The following URGCP variants were observed in gnomAD, a reference collection of about 807,000 sequenced individuals.
The protein encoded by URGCP is up-regulator of cell proliferation.
In URGCP, 13 loss-of-function variants were observed where a neutral mutation model predicts 24.6. The observed-to-expected ratio is 0.53, with a 90% confidence interval of 0.34 to 0.84. The LOEUF (loss-of-function observed/expected upper bound fraction) is 0.84, where lower values mean the gene tolerates loss of function less well. URGCP is among the 40% of genes least tolerant of loss of function. The pLI, the probability that URGCP is intolerant of heterozygous loss-of-function variation, is 0.01. For synonymous variants in URGCP, 444 were observed against 487.2 expected (o/e 0.91, Z 1.17); for missense variants, 899 against 1,194.3 (o/e 0.75, Z 3.64).
intron 3 of URGCP, among the ~76,000 whole-genome samples, chr7:43,886,361 T>C (rs1016986968): frequency 4.6e-5 from 7 of 152,232 alleles, no homozygotes; most frequent in Non-Finnish European, 8.8e-5. Flanking sequence ...ACTCTATTAA[T>C]ATCCAATAGA....
chr7:43,910,240 C>T (rs1585835167), upstream of URGCP, among the ~76,000 whole-genome samples: 1 of 152,078 alleles, frequency 6.6e-6, no homozygotes, highest in Non-Finnish European at 1.5e-5. Context: ...TTATGAGACA[C>T]GGTCTCACTC....
intron 3 of URGCP, among the ~76,000 whole-genome samples, chr7:43,884,597 C>T (rs1203957224): frequency 1.3e-5 from 2 of 152,124 alleles, no homozygotes; most frequent in Admixed American, 1.3e-4. Context: ...GGGAGGAAAA[C>T]GCAGGAGGAT....
chr7:43,906,840 C>G, upstream of URGCP: 1 of 255,544 alleles, frequency 3.9e-6, no homozygotes, highest in Non-Finnish European at 7.3e-6. Context: ...GGCCGGAACT[C>G]GCCGGGCGGT....
chr7:43,898,360 A>C (rs1289870387), intron 1 of URGCP, among the ~76,000 whole-genome samples: 1 of 152,256 alleles, frequency 6.6e-6, no homozygotes, highest in Non-Finnish European at 1.5e-5. Flanking sequence ...GGAAGGAGAG[A>C]GCTCCGATTT....
intron 1 of URGCP, chr7:43,906,300 G>T: frequency 5.8e-6 from 1 of 172,622 alleles, no homozygotes; most frequent in South Asian, 1.8e-4. Flanking sequence ...GGATCCCCTA[G>T]GCCCGCGTAC....
chr7:43,887,253 A>G (rs1002537186), intron 3 of URGCP, among the ~76,000 whole-genome samples, 162 bp downstream of exon 3: 1 of 152,248 alleles, frequency 6.6e-6, no homozygotes, highest in Non-Finnish European at 1.5e-5. Context: ...AAAGACCCTT[A>G]GATGGAATCT....
At position 43,879,489 on chromosome 7, in the gene URGCP, T is replaced by C. The variant is rs538361406; in HGVS notation, c.203-229A>G. On this transcript the variant is annotated intron_variant, in intron 5 of 5. Coordinates refer to ENST00000453200, the MANE Select transcript of URGCP (RefSeq NM_001077663.3). ...AGGTACCAACCTAACCACAGATATA[T>C]GTGACATTAAACAAAAGAAAGAACA... is the stretch of plus-strand genomic sequence containing the variant. Among the ~76,000 whole-genome samples, 9 of 152,296 alleles carry C rather than the reference T, an allele frequency of 5.9e-5. No homozygotes were observed. The South Asian group carries it at 1.9e-3, about 32-fold the overall frequency.
Position 43,880,836 on chromosome 7 carries a change from T to C in URGCP, c.202+823A>G, listed in dbSNP as rs1014889400. Among the ~76,000 whole-genome samples, 11 of 152,236 alleles carry C rather than the reference T, an allele frequency of 7.2e-5. No individual in the cohort carries two copies. The East Asian group carries it at 1.9e-3, about 27-fold the overall frequency. Reference sequence around the variant, plus strand: ...AGCAACGTGTATGATACTGCTTTGATGCTTAGATAAACCATGAAAGGAAAC... The same window carrying C: ...AGCAACGTGTATGATACTGCTTTGACGCTTAGATAAACCATGAAAGGAAAC... On this transcript the variant is annotated intron_variant, in intron 5 of 5. Coordinates refer to ENST00000453200, the MANE Select transcript of URGCP (RefSeq NM_001077663.3).
At chr7:43,891,157 C>G (rs1182800007) in intron 1 of URGCP, among the ~76,000 whole-genome samples, 1 of 152,090 alleles carries the variant, frequency 6.6e-6, no homozygotes, top group African/African-American at 2.4e-5. Flanking sequence ...CTGGACAGTC[C>G]ATCCATGCCT....
intron 1 of URGCP, among the ~76,000 whole-genome samples, chr7:43,921,287 C>T (rs2095922121): frequency 6.6e-6 from 1 of 151,248 alleles, no homozygotes; most frequent in Middle Eastern, 3.4e-3. Context: ...GATCACGCCA[C>T]TGCACTCCAG....
chr7:43,876,880 T>C lies in URGCP; in HGVS notation c.2583A>G (p.Ala861=). 6.2e-7 allele frequency: 1 copy of C among 1,614,052 alleles called. No homozygotes were observed. The highest frequency in any genetic ancestry group is 1.1e-5 in the South Asian group (1 of 91,088). The change falls in exon 6 of 6, where the codon GCA becomes GCG. Residue 861 remains alanine (A), a synonymous_variant. Transcript: ENST00000453200. ...QMEKQGDGFR[A]LAGLAFCDPE... is the part of the protein sequence containing the mutation. The stretch of plus-strand genomic sequence containing the variant: ...GGTCGCAGAAGGCCAGGCCTGCCAG[T>C]GCCCGGAAGCCGTCGCCCTGTTTCT...
chr7:43,891,599 C>T (rs1047009391), intron 1 of URGCP, among the ~76,000 whole-genome samples: 5 of 152,196 alleles, frequency 3.3e-5, no homozygotes, highest in Non-Finnish European at 4.4e-5. Context: ...ACATAGCTCT[C>T]TCCAGAAAAC....
At chr7:43,880,693 C>T (rs559268120) in intron 5 of URGCP, among the ~76,000 whole-genome samples, 3 of 152,356 alleles carry the variant, frequency 2.0e-5, no homozygotes, top group African/African-American at 4.8e-5. Context: ...CCTGCCTCAG[C>T]CTCCCAAAGT....
chr7:43,877,629 C>T lies in URGCP; in HGVS notation c.1834G>A (p.Gly612Arg), dbSNP rs977383484. 1 of 1,614,220 alleles carries T rather than the reference C, an allele frequency of 6.2e-7. No individual in the cohort carries two copies. Among genetic ancestry groups the T allele is most frequent in the Non-Finnish European group, 8.5e-7 (1 of 1,180,042 alleles). The part of the protein sequence containing the change: ...VGEPLWPEPL[G>R]VEHFLREMGQ... Reference sequence around the variant, plus strand: ...ATCTCCCGCAAGAAGTGTTCCACCCCTAGGGGCTCAGGCCAGAGCGGCTCC... The same window carrying T: ...ATCTCCCGCAAGAAGTGTTCCACCCTTAGGGGCTCAGGCCAGAGCGGCTCC... Residue 612 changes from glycine to arginine, a missense_variant, in exon 6 of 6, where the codon GGG becomes AGG. Gly to Arg is a moderately radical substitution (Grantham distance 125). Coordinates refer to ENST00000453200, the MANE Select transcript of URGCP (RefSeq NM_001077663.3).
chr7:43,908,343 G>C (rs544073970), upstream of URGCP, among the ~76,000 whole-genome samples: 3 of 152,306 alleles, frequency 2.0e-5, no homozygotes, highest in South Asian at 4.1e-4. Context: ...CTCCCAAAGT[G>C]CTGGGGTTAC....
At chr7:43,906,662 C>T, upstream of URGCP, 1 of 1,126,870 alleles carries the variant, frequency 8.9e-7, no homozygotes, top group Non-Finnish European at 1.1e-6. Context: ...GCCCGCCGGC[C>T]GCCCGCCCGC....
intron 5 of URGCP, chr7:43,881,082 G>A (rs2095853008): frequency 1.5e-6 from 1 of 663,164 alleles, no homozygotes; most frequent in Non-Finnish European, 2.7e-6. Context: ...TGCCAAAACA[G>A]GTGTTACTCA....
intron 1 of URGCP, among the ~76,000 whole-genome samples, chr7:43,917,795 A>T (rs954325314): frequency 1.3e-5 from 2 of 152,008 alleles, no homozygotes; most frequent in Non-Finnish European, 2.9e-5. Context: ...ACATAGTGAG[A>T]CCCTGTCTCT....
At chr7:43,926,414 C>T (rs1182852800), upstream of URGCP, 4 of 910,574 alleles carry the variant, frequency 4.4e-6, no homozygotes, top group Middle Eastern at 3.7e-4. Flanking sequence ...CCCACAGTGC[C>T]CCGCGCGCGC....
Sources: allele counts gnomAD v4.1 joint callset (sites outside exome capture counted in the v4.1 genomes callset), GRCh38; gene constraint gnomAD v4.1.1; transcripts MANE v1.5; gene names NCBI Gene and HGNC (gene_info 2026-07-23, HGNC 2026-07-21).